DPP6: variants seen among roughly 807,000 people sequenced by gnomAD.
DPP6 encodes A-type potassium channel modulatory protein DPP6.
A neutral mutation model predicts 122.6 loss-of-function variants in DPP6; 69 were observed. That is an observed-to-expected ratio of 0.56 (90% CI 0.46 to 0.69). The LOEUF is 0.69. DPP6 is among the 30% of genes least tolerant of loss of function. The pLI is 0.00. For missense variants in DPP6, 928 were observed against 1,116.9 expected, an observed-to-expected ratio of 0.83 and a Z score of 2.41; for synonymous variants, 418 against 433.1, an observed-to-expected ratio of 0.97 and a Z score of 0.43.
At chr7:154,053,789 G>A (rs1458481224) in intron 1 of DPP6, among the ~76,000 whole-genome samples, 1 of 150,382 alleles carries the variant, frequency 6.6e-6, no homozygotes, top group Non-Finnish European at 1.5e-5. Context: ...AAACTTCTCC[G>A]AGAGCACATT....
intron 3 of DPP6, among the ~76,000 whole-genome samples, chr7:154,499,346 G>A (rs879813040): frequency 6.6e-6 from 1 of 152,206 alleles, no homozygotes; most frequent in Non-Finnish European, 1.5e-5. Flanking sequence ...GGAGCACAGA[G>A]TGTCTGTGAG....
intron 1 of DPP6, among the ~76,000 whole-genome samples, chr7:153,939,038 G>A (rs1288242947): frequency 1.3e-5 from 2 of 152,066 alleles, no homozygotes; most frequent in African/African-American, 4.8e-5. Context: ...CAAATAAAAT[G>A]CATTTTTTTT....
intron 1 of DPP6, among the ~76,000 whole-genome samples, chr7:154,407,455 G>A (rs1816213072): frequency 6.6e-6 from 1 of 152,164 alleles, no homozygotes; most frequent in African/African-American, 2.4e-5. Context: ...AGAAGTTATA[G>A]TGTTTTCTTT....
At chr7:153,861,767 C>T in the DPP6 span, among the ~76,000 whole-genome samples, 3 of 152,112 alleles carry the variant, frequency 2.0e-5, no homozygotes, top group Admixed American at 6.5e-5. Flanking sequence ...ACTGTGGCAA[C>T]GGAAGGAAAA....
intron 1 of DPP6, among the ~76,000 whole-genome samples, chr7:154,357,465 T>C (rs1353613940): frequency 6.6e-6 from 1 of 152,208 alleles, no homozygotes; most frequent in Non-Finnish European, 1.5e-5. Flanking sequence ...GTAAGGTCAA[T>C]AAATGTTGCC....
chr7:153,994,175 C>T (rs1797325865), intron 1 of DPP6, among the ~76,000 whole-genome samples: 1 of 151,464 alleles, frequency 6.6e-6, no homozygotes, highest in African/African-American at 2.4e-5. Context: ...TTCACCATAC[C>T]ATCTGCCTTT....
intron 13 of DPP6, among the ~76,000 whole-genome samples, chr7:154,802,109 G>A (rs911336927): frequency 1.3e-5 from 2 of 152,086 alleles, no homozygotes; most frequent in African/African-American, 2.4e-5. Flanking sequence ...GTTGACTTTG[G>A]GGGACTCTGC....
the DPP6 span, among the ~76,000 whole-genome samples, chr7:153,881,238 C>T: frequency 6.6e-6 from 1 of 152,160 alleles, no homozygotes; most frequent in Admixed American, 6.5e-5. Context: ...GCAAAGGCAG[C>T]CGTGCCAATA....
chr7:153,906,226 G>GT (rs1799844735), intron 1 of DPP6, among the ~76,000 whole-genome samples: 1 of 152,124 alleles, frequency 6.6e-6, no homozygotes, highest in Admixed American at 6.6e-5. Context: ...GGATTTAGGG[G>GT]TACAAGTGCA....
intron 8 of DPP6, among the ~76,000 whole-genome samples, chr7:154,748,636 C>A (rs921871291): frequency 9.2e-5 from 14 of 152,258 alleles, no homozygotes; most frequent in African/African-American, 3.1e-4. Flanking sequence ...CACCTCCCTG[C>A]ACAGCCTGCC....
intron 1 of DPP6, among the ~76,000 whole-genome samples, chr7:153,966,672 A>G (rs897631922): frequency 1.0e-4 from 15 of 148,240 alleles, no homozygotes; most frequent in African/African-American, 3.8e-4. Context: ...TTACATATGT[A>G]TACATGTGTT....
intron 4 of DPP6, among the ~76,000 whole-genome samples, chr7:154,560,607 G>A (rs979230120): frequency 6.6e-6 from 1 of 152,102 alleles, no homozygotes; most frequent in South Asian, 2.1e-4. Flanking sequence ...TTTAAAGCTG[G>A]GCATGGTGGC....
chr7:153,816,112 A>G, the DPP6 span, among the ~76,000 whole-genome samples: 6 of 152,070 alleles, frequency 3.9e-5, no homozygotes, highest in Admixed American at 3.3e-4. Flanking sequence ...ATACTGTATA[A>G]TAGAAGCTAA....
At chr7:153,789,077 G>C in the DPP6 span, among the ~76,000 whole-genome samples, 1 of 152,166 alleles carries the variant, frequency 6.6e-6, no homozygotes, top group Admixed American at 6.5e-5. Flanking sequence ...GAAAATCGAG[G>C]TGTCAGTAGT....
At chr7:153,930,647 G>A (rs533021440) in intron 1 of DPP6, among the ~76,000 whole-genome samples, 4 of 152,208 alleles carry the variant, frequency 2.6e-5, no homozygotes, top group Admixed American at 6.5e-5. Flanking sequence ...TGTTCTTACC[G>A]AAAGACTTTT....
chr7:154,512,436 G>A (rs1032169935), intron 3 of DPP6, among the ~76,000 whole-genome samples: 1 of 152,126 alleles, frequency 6.6e-6, no homozygotes, highest in African/African-American at 2.4e-5. Flanking sequence ...TAGCTTCCAG[G>A]CATAATGACA....
chr7:154,459,433 C>T (rs1473529915), intron 2 of DPP6, among the ~76,000 whole-genome samples: 1 of 152,024 alleles, frequency 6.6e-6, no homozygotes, highest in African/African-American at 2.4e-5. Flanking sequence ...AGACACATAC[C>T]GATTCAGGCT....
intron 1 of DPP6, among the ~76,000 whole-genome samples, chr7:153,985,943 C>T (rs1796824191): frequency 1.3e-5 from 2 of 152,358 alleles, no homozygotes; most frequent in South Asian, 4.1e-4. Context: ...AACAGGTCCT[C>T]TGTAGCCCTC....
chr7:154,414,380 C>A (rs1013443275), intron 1 of DPP6, among the ~76,000 whole-genome samples: 2 of 152,180 alleles, frequency 1.3e-5, no homozygotes, highest in Admixed American at 6.5e-5. Context: ...ATCAATCAAT[C>A]GTACAGTCTT....
Sources: gnomAD v4.1 joint callset for allele counts (sites outside exome capture counted in the v4.1 genomes callset) on GRCh38, gnomAD v4.1.1 for gene constraint, MANE v1.5 for transcripts, NCBI Gene and HGNC (gene_info 2026-07-23, HGNC 2026-07-21) for gene names.